PSMD14: variants seen among roughly 807,000 people sequenced by gnomAD.
PSMD14 encodes proteasome 26S subunit, non-ATPase 14, also known as ubiquitin C-terminal hydrolase PSMD14.
A neutral mutation model predicts 41.2 loss-of-function variants in PSMD14; 7 were observed. That is an observed-to-expected ratio of 0.17 (90% confidence interval 0.10 to 0.32). The LOEUF (loss-of-function observed/expected upper bound fraction) is 0.32, where lower values mean the gene tolerates loss of function less well. Ranked by LOEUF, PSMD14 falls within the 10% of genes least tolerant of loss-of-function variation. The pLI is 1.00. For synonymous variants in PSMD14, 114 were observed against 122.3 expected, an observed-to-expected ratio of 0.93 and a Z score of 0.45; for missense variants, 139 against 375.6, an observed-to-expected ratio of 0.37 and a Z score of 5.21.
At chr2:161,386,253 C>G (rs769708334) in intron 8 of PSMD14, among the ~76,000 whole-genome samples, 6 of 151,732 alleles carry the variant, frequency 4.0e-5, no homozygotes, top group Admixed American at 1.3e-4. Context: ...TTAAACGCAC[C>G]ACAGTCTGTG....
At chr2:161,380,165 AG>A (rs2105262025) in intron 7 of PSMD14, among the ~76,000 whole-genome samples, 1 of 152,148 alleles carries the variant, frequency 6.6e-6, no homozygotes, top group South Asian at 2.1e-4. Context: ...GAGAAATTGA[AG>A]GGTTAAATAA....
chr2:161,342,979 T>A (rs1360041455), intron 3 of PSMD14, among the ~76,000 whole-genome samples: 2 of 152,250 alleles, frequency 1.3e-5, no homozygotes, highest in Non-Finnish European at 2.9e-5. Context: ...ATACTCCATA[T>A]ATGCTCTCTG....
At chr2:161,393,949 T>C (rs1683754394) in intron 9 of PSMD14, among the ~76,000 whole-genome samples, 1 of 150,076 alleles carries the variant, frequency 6.7e-6, no homozygotes, top group African/African-American at 2.4e-5. Flanking sequence ...CCCAATTTGC[T>C]GGTGTGATTG....
chr2:161,344,275 A>G (rs1382375072), intron 3 of PSMD14, among the ~76,000 whole-genome samples: 2 of 152,162 alleles, frequency 1.3e-5, no homozygotes, highest in African/African-American at 4.8e-5. Context: ...AATAACAGAT[A>G]TTCATTTCTC....
intron 3 of PSMD14, among the ~76,000 whole-genome samples, chr2:161,337,482 T>G (rs1278484604): frequency 6.6e-6 from 1 of 152,218 alleles, no homozygotes; most frequent in East Asian, 1.9e-4. Context: ...GGTCATAGCT[T>G]TAAGTGGTTA....
chr2:161,360,447 C>G (rs1054070454), intron 3 of PSMD14, among the ~76,000 whole-genome samples: 3 of 151,964 alleles, frequency 2.0e-5, no homozygotes, highest in Non-Finnish European at 2.9e-5. Context: ...CCTCCACATC[C>G]CGTGTTCAAG....
At chr2:161,342,164 C>G (rs1003336182) in intron 3 of PSMD14, among the ~76,000 whole-genome samples, 1 of 152,090 alleles carries the variant, frequency 6.6e-6, no homozygotes, top group Non-Finnish European at 1.5e-5. Context: ...CTGACTAGAA[C>G]CTTTAATAAA....
At chr2:161,384,776 AAG>A (rs1031299063) in intron 7 of PSMD14, 3 of 151,824 alleles carry the variant, frequency 2.0e-5, no homozygotes, top group African/African-American at 7.2e-5. Context: ...TACACACAAA[AAG>A]AATATACTTA....
intron 3 of PSMD14, among the ~76,000 whole-genome samples, chr2:161,342,482 T>C (rs10197817): frequency 0.67 from 102,296 of 151,994 alleles, 34,686 homozygotes; most frequent in Admixed American, 0.72. Context: ...TGATATAATA[T>C]AGGCGTTCAG....
At chr2:161,381,528 G>C (rs1683569756) in intron 7 of PSMD14, 1 of 151,734 alleles carries the variant, frequency 6.6e-6, no homozygotes, top group African/African-American at 2.4e-5. Flanking sequence ...GAAGAGCTTT[G>C]CTTAAAAATA....
At chr2:161,330,235 G>C (rs1194848079) in intron 3 of PSMD14, among the ~76,000 whole-genome samples, 1 of 152,114 alleles carries the variant, frequency 6.6e-6, no homozygotes, top group African/African-American at 2.4e-5. Flanking sequence ...AATGTTTAAA[G>C]TTTTAAATAT....
intron 7 of PSMD14, among the ~76,000 whole-genome samples, chr2:161,373,885 G>T (rs1683471595): frequency 6.6e-6 from 1 of 151,470 alleles, no homozygotes; most frequent in South Asian, 2.1e-4. Flanking sequence ...TTGAATAATT[G>T]CTGTGAGCCA....
chr2:161,402,126 G>C (rs978422199), intron 10 of PSMD14, among the ~76,000 whole-genome samples: 3 of 152,076 alleles, frequency 2.0e-5, no homozygotes, highest in African/African-American at 7.2e-5. Context: ...GAATTAATCT[G>C]CCTCTTCGCA....
intron 3 of PSMD14, among the ~76,000 whole-genome samples, chr2:161,356,248 C>T (rs1485785338): frequency 6.6e-6 from 1 of 152,090 alleles, no homozygotes; most frequent in Non-Finnish European, 1.5e-5. Context: ...TTAACACCTC[C>T]TATAACAGGT....
chr2:161,334,084 G>C (rs1175642474), intron 3 of PSMD14, among the ~76,000 whole-genome samples: 1 of 152,122 alleles, frequency 6.6e-6, no homozygotes, highest in African/African-American at 2.4e-5. Flanking sequence ...TGTAATCCTA[G>C]CACTTTGGGA....
intron 1 of PSMD14, among the ~76,000 whole-genome samples, chr2:161,310,981 C>G (rs1689080919): frequency 6.6e-6 from 1 of 152,162 alleles, no homozygotes; most frequent in African/African-American, 2.4e-5. Context: ...TCTGTAGATT[C>G]AACCAACTAC....
chr2:161,336,434 A>G (rs1368360617), intron 3 of PSMD14, among the ~76,000 whole-genome samples: 1 of 152,200 alleles, frequency 6.6e-6, no homozygotes, highest in Admixed American at 6.5e-5. Flanking sequence ...TGAATTATGG[A>G]AGCATATTAT....
intron 3 of PSMD14, among the ~76,000 whole-genome samples, chr2:161,334,101 G>A (rs1018409980): frequency 3.3e-5 from 5 of 152,210 alleles, no homozygotes; most frequent in African/African-American, 4.8e-5. Context: ...GGGAGGCTGA[G>A]GTGGGCGGAT....
At chr2:161,355,065 T>C (rs1683177205) in intron 3 of PSMD14, among the ~76,000 whole-genome samples, 1 of 152,190 alleles carries the variant, frequency 6.6e-6, no homozygotes. Context: ...AGGAAAGGGA[T>C]ATAGAGTATG....
Sources: allele counts gnomAD v4.1 joint callset (sites outside exome capture counted in the v4.1 genomes callset), GRCh38; gene constraint gnomAD v4.1.1; transcripts MANE v1.5; gene names NCBI Gene and HGNC (gene_info 2026-07-23, HGNC 2026-07-21).